The following DMD variants were observed in gnomAD, a reference collection of about 807,000 sequenced individuals.
DMD encodes mutant dystrophin.
In DMD, 63 loss-of-function variants were observed where a neutral mutation model predicts 330.1. That is an observed-to-expected ratio of 0.19 (90% CI 0.16 to 0.24). DMD has a LOEUF of 0.24. Among genes scored for constraint, DMD ranks in the 10% least tolerant of loss-of-function variants. The pLI, the probability that DMD is intolerant of heterozygous loss-of-function variation, is 1.00. For synonymous variants in DMD, 1,223 were observed against 959.8 expected, an observed-to-expected ratio of 1.27 and a Z score of -5.07; for missense variants, 3,344 against 2,684.1, an observed-to-expected ratio of 1.25 and a Z score of -5.43.
At chrX:32,186,208 C>T (rs902898996) in intron 44 of DMD, among the ~76,000 whole-genome samples, 22 of 110,259 alleles carry the variant, frequency 2.0e-4, no homozygotes, top group South Asian at 7.5e-4. Flanking sequence ...ATCTCACACT[C>T]GTAAGAAAAA....
At chrX:32,137,181 T>C (rs1350567244) in intron 44 of DMD, among the ~76,000 whole-genome samples, 1 of 111,747 alleles carries the variant, frequency 8.9e-6, no homozygotes, top group Admixed American at 9.5e-5. Flanking sequence ...GAACCAGATA[T>C]TGGAATTGCT....
At chrX:32,661,229 T>C (rs2147086632) in intron 9 of DMD, among the ~76,000 whole-genome samples, 1 of 111,661 alleles carries the variant, frequency 9.0e-6, no homozygotes, top group Non-Finnish European at 1.9e-5. Context: ...CTTTAAATTA[T>C]AATGCTGTCT....
chrX:31,256,625 A>C (rs1421234064), intron 63 of DMD, among the ~76,000 whole-genome samples: 1 of 111,712 alleles, frequency 9.0e-6, no homozygotes, highest in East Asian at 2.8e-4. Flanking sequence ...TGCATTTTTC[A>C]CAACTGGACA....
intron 38 of DMD, among the ~76,000 whole-genome samples, chrX:32,347,710 G>A (rs331310): frequency 0.49 from 54,063 of 110,469 alleles, 10,775 homozygotes; most frequent in South Asian, 0.74. Flanking sequence ...CAGTGAAAGA[G>A]GGGAAAAAAT....
At chrX:32,855,647 A>G (rs1420868584) in intron 2 of DMD, among the ~76,000 whole-genome samples, 2 of 112,149 alleles carry the variant, frequency 1.8e-5, no homozygotes, top group African/African-American at 6.5e-5. Flanking sequence ...ATCTCTCGCC[A>G]TATACAAAAG....
At chrX:32,278,750 G>C (rs1362898038) in intron 43 of DMD, among the ~76,000 whole-genome samples, 1 of 111,957 alleles carries the variant, frequency 8.9e-6, no homozygotes, top group African/African-American at 3.2e-5. Context: ...CAGGATATCT[G>C]TCTGGGTAAA....
intron 3 of DMD, 75 bp downstream of exon 3, chrX:32,849,653 A>G (rs2080971188): frequency 1.3e-6 from 1 of 798,751 alleles, no homozygotes; most frequent in Admixed American, 2.3e-5. Context: ...TAGATGTCAT[A>G]AAACTATGTT....
chrX:32,252,473 T>C (rs1603629236), intron 43 of DMD, among the ~76,000 whole-genome samples: 1 of 104,565 alleles, frequency 9.6e-6, no homozygotes, highest in Admixed American at 1.1e-4. Context: ...GTGTTCTTTG[T>C]TAATTTCTGT....
At chrX:32,205,043 C>CA (rs1569550759) in intron 44 of DMD, among the ~76,000 whole-genome samples, 442 of 33,478 alleles carry the variant, frequency 0.013, 7 homozygotes, top group African/African-American at 0.032. Context: ...ACACACACAC[C>CA]CACACACACA....
chrX:32,533,664 C>A (rs1048310093), intron 17 of DMD, among the ~76,000 whole-genome samples: 1 of 112,080 alleles, frequency 8.9e-6, no homozygotes, highest in Non-Finnish European at 1.9e-5. Flanking sequence ...CATACCATAG[C>A]AATCCATTAG....
At chrX:32,951,375 T>A (rs1004093337) in intron 2 of DMD, among the ~76,000 whole-genome samples, 1 of 111,761 alleles carries the variant, frequency 8.9e-6, no homozygotes, top group East Asian at 2.8e-4. Context: ...AAGGGGAAAA[T>A]ATCAATATTT....
chrX:31,999,931 C>G (rs755400286), intron 44 of DMD, among the ~76,000 whole-genome samples: 1 of 112,271 alleles, frequency 8.9e-6, no homozygotes, highest in Admixed American at 9.4e-5. Flanking sequence ...GGATGTGTTC[C>G]TATTAGCTGC....
At chrX:32,210,992 G>C (rs970782144) in intron 44 of DMD, among the ~76,000 whole-genome samples, 2 of 111,937 alleles carry the variant, frequency 1.8e-5, no homozygotes, top group Non-Finnish European at 1.9e-5. Flanking sequence ...AAGTGCTTTA[G>C]AATTTTCTTC....
chrX:32,206,615 G>A (rs2097070380), intron 44 of DMD: 2 of 636,928 alleles, frequency 3.1e-6, no homozygotes, highest in South Asian at 4.4e-5. Flanking sequence ...ATGCAAGCAA[G>A]TATAGAAAAA....
intron 44 of DMD, among the ~76,000 whole-genome samples, chrX:32,044,523 G>T (rs1006038991): frequency 2.0e-4 from 22 of 110,277 alleles, no homozygotes; most frequent in Non-Finnish European, 3.0e-4. Context: ...CCAGGTTCAC[G>T]CCATTCTCCT....
intron 47 of DMD, among the ~76,000 whole-genome samples, chrX:31,918,905 G>C (rs776382254): frequency 3.2e-4 from 36 of 111,657 alleles, no homozygotes; most frequent in Non-Finnish European, 5.3e-4. Context: ...CCAAAGTGCT[G>C]GGATTACAGG....
intron 43 of DMD, among the ~76,000 whole-genome samples, chrX:32,273,123 A>G (rs1162816599): frequency 1.8e-5 from 2 of 111,321 alleles, no homozygotes; most frequent in Non-Finnish European, 3.8e-5. Context: ...GTACCTAGGG[A>G]AATGATGAAA....
At chrX:32,378,432 T>C (rs2097912525) in intron 34 of DMD, among the ~76,000 whole-genome samples, 1 of 109,872 alleles carries the variant, frequency 9.1e-6, no homozygotes, top group Non-Finnish European at 1.9e-5. Context: ...ATAATTAAGA[T>C]ACTTTAAGAT....
intron 44 of DMD, among the ~76,000 whole-genome samples, chrX:32,199,005 T>C (rs1015813768): frequency 8.9e-6 from 1 of 112,328 alleles, no homozygotes; most frequent in Non-Finnish European, 1.9e-5. Context: ...AGCACAGCGA[T>C]GTACAATAAG....
Sources: gnomAD v4.1 joint callset for allele counts (sites outside exome capture counted in the v4.1 genomes callset) on GRCh38, gnomAD v4.1.1 for gene constraint, MANE v1.5 for transcripts, NCBI Gene and HGNC (gene_info 2026-07-23, HGNC 2026-07-21) for gene names.